The following PPM1A variants were observed in gnomAD, a reference collection of about 807,000 sequenced individuals.
PPM1A encodes the protein protein phosphatase 1A.
In PPM1A, 7 loss-of-function variants were observed where a neutral mutation model predicts 35.0. The ratio of observed to expected loss-of-function variants is 0.20; its 90% confidence interval spans 0.11 to 0.38. PPM1A has a LOEUF of 0.38. Among genes scored for constraint, PPM1A ranks in the 10% least tolerant of loss-of-function variants. The probability of loss-of-function intolerance (pLI) is 1.00; values close to 1 mark genes in which losing one functional copy is unlikely to be tolerated. For missense variants in PPM1A, 239 were observed against 467.8 expected (o/e 0.51, Z 4.51); for synonymous variants, 153 against 167.3 (o/e 0.91, Z 0.66).
rs1595255631 is a variant in PPM1A, at chr14:60,252,341, C to T, written c.-21+2664C>T. Reference sequence around the variant, plus strand: ...CAAGGTGATATTTTGATGATCCTCTCAAATGATTATCTAACTCTTGCCTGG... The same window carrying T: ...CAAGGTGATATTTTGATGATCCTCTTAAATGATTATCTAACTCTTGCCTGG... On this transcript the variant is annotated intron_variant, in intron 1 of 5. Coordinates refer to ENST00000395076, the MANE Select transcript of PPM1A (RefSeq NM_021003.5). Among the ~76,000 whole-genome samples the T allele has an allele frequency of 6.6e-5, 10 of 152,328 alleles. No individual in the cohort carries two copies. In the South Asian group the frequency reaches 2.1e-3, roughly 32 times the overall value.
intron 2 of PPM1A, among the ~76,000 whole-genome samples, chr14:60,284,707 G>GTGTA (rs1555344240): frequency 9.7e-4 from 139 of 143,344 alleles, no homozygotes; most frequent in South Asian, 8.4e-3. Flanking sequence ...ATGTGTGTGT[G>GTGTA]TATATATATA....
At chr14:60,255,090 AC>A (rs1566569407) in intron 1 of PPM1A, among the ~76,000 whole-genome samples, 1 of 148,690 alleles carries the variant, frequency 6.7e-6, no homozygotes, top group African/African-American at 2.5e-5. Flanking sequence ...GTCATCTCTG[AC>A]CCCCAGAGTG....
rs1887828598 is a variant in PPM1A, at chr14:60,293,504, TAGAA to T, written c.*1026_*1029del. 6.6e-6 allele frequency: 1 copy of T among 152,054 alleles called. No individual in the cohort carries two copies. Among genetic ancestry groups the T allele is most frequent in the South Asian group, 2.1e-4 (1 of 4,832 alleles). The allele number at this position is 152,054 out of a possible 1,614,324, so 9.4% of individuals were successfully genotyped here. On this transcript the variant is annotated 3_prime_UTR_variant, in exon 6 of 6. Coordinates refer to ENST00000395076, the MANE Select transcript of PPM1A (RefSeq NM_021003.5). The surrounding 1 kb of genome is among the most constrained non-coding windows in gnomAD (Gnocchi z 4.0). ...GGCATAGATGAAACTTTCCTTCCAT[TAGAA>T]AGACTAAAAGATTTAATTCTTGGTT...
rs191759856 is a variant in PPM1A, at chr14:60,292,812, T to G, written c.*330T>G. The G allele has an allele frequency of 1.4e-4, 31 of 214,414 alleles. 1 individual carries two copies. The East Asian group carries it at 2.9e-3, about 20-fold the overall frequency. 13.3% of individuals were successfully genotyped at this position (214,414 alleles called of 1,614,324 possible). ...TGCTCATATTTAATTATGAACTGCT[T>G]TAAATCACTATCAAAGTTACAAGAA... On this transcript the variant is annotated 3_prime_UTR_variant, in exon 6 of 6. Transcript: ENST00000395076. This position sits in a 1 kb window ranked among gnomAD's most constrained non-coding sequence, Gnocchi z 4.2.
At chr14:60,290,084 A>G (rs1174314451) in intron 4 of PPM1A, among the ~76,000 whole-genome samples, 170 bp downstream of exon 4, 1 of 152,190 alleles carries the variant, frequency 6.6e-6, no homozygotes, top group Non-Finnish European at 1.5e-5. Context: ...TTGTTTAGAC[A>G]TAGGTATCAG....
rs762772799 is a variant in PPM1A, at chr14:60,289,774, A to G, written c.953-32A>G. The G allele has an allele frequency of 4.9e-6, 7 of 1,416,830 alleles. No homozygotes were observed. In the South Asian group the frequency reaches 8.3e-5, roughly 17 times the overall value. The allele number at this position is 1,416,830 out of a possible 1,614,324, so 87.8% of individuals were successfully genotyped here. The stretch of plus-strand genomic sequence containing the variant: ...TTTTCTTTTCAATTAAATTTGGATA[A>G]CACTTACAAAAAAAGTACTTCTGAT... On this transcript the variant is annotated intron_variant, in intron 3 of 5. Coordinates refer to ENST00000395076, the MANE Select transcript of PPM1A (RefSeq NM_021003.5). This position sits in a 1 kb window ranked among gnomAD's most constrained non-coding sequence, Gnocchi z 4.1.
chr14:60,267,107 A>T (rs1013367125), intron 1 of PPM1A: 3 of 152,104 alleles, frequency 2.0e-5, no homozygotes. Context: ...TGAGTTTGCC[A>T]TCATGTCATT....
intron 1 of PPM1A, among the ~76,000 whole-genome samples, chr14:60,254,786 T>C (rs1253054213): frequency 1.3e-5 from 2 of 152,222 alleles, no homozygotes; most frequent in African/African-American, 4.8e-5. Flanking sequence ...AAATTCTTTC[T>C]AAACTATGGT....
chr14:60,287,992 G>A lies in PPM1A; in HGVS notation c.953-1814G>A, dbSNP rs187696994. 168 of 980,522 alleles carry A rather than the reference G, an allele frequency of 1.7e-4. No individual in the cohort carries two copies. The East Asian group carries it at 5.6e-3, about 33-fold the overall frequency. 60.7% of individuals were successfully genotyped at this position (980,522 alleles called of 1,614,324 possible). A position where few individuals can be genotyped will look rare whatever the true frequency, so the allele number is the denominator to read the frequency against. ...TATATAAATATTCTTTAGAAAAAGC[G>A]TTCAGTCTTTTTACAATTCTAAGTA... On this transcript the variant is annotated intron_variant, in intron 3 of 5. Transcript: ENST00000395076.
At chr14:60,277,196 A>G (rs1282566316) in intron 1 of PPM1A, 1 of 244,170 alleles carries the variant, frequency 4.1e-6, no homozygotes. Flanking sequence ...TAATTATTGG[A>G]CTAAATAAAA....
rs538236891 is a variant in PPM1A at position 60,262,694 on chromosome 14, AAAC to A, written c.-21+13023_-21+13025del. Among the ~76,000 whole-genome samples, 297 of 152,278 alleles carry A rather than the reference AAAC, an allele frequency of 2.0e-3. 1 individual carries two copies. Among genetic ancestry groups the A allele is most frequent in the African/African-American group, 6.6e-3 (276 of 41,540 alleles). On this transcript the variant is annotated intron_variant, in intron 1 of 5. Coordinates refer to ENST00000395076, the MANE Select transcript of PPM1A (RefSeq NM_021003.5). ...GAGCAACACCCTACCTCAAACAAAC[AAAC>A]AACAAAAAAACCCTTCTACCTCTGA...
chr14:60,249,248 G>A lies in PPM1A; in HGVS notation c.-450G>A, dbSNP rs1882016011. The A allele has an allele frequency of 3.0e-6, 3 of 987,856 alleles. No individual in the cohort carries two copies. The highest frequency in any genetic ancestry group is 3.6e-6 in the Non-Finnish European group (3 of 832,170). 61.2% of individuals were successfully genotyped at this position (987,856 alleles called of 1,614,324 possible). ...AGGCGGCGGCGGCGGCGGTGGCGGC[G>A]CTAGGGACGGGAGCGCGCGCGGGAG... On this transcript the variant is annotated 5_prime_UTR_variant, in exon 1 of 6. Transcript: ENST00000395076. This position sits in a 1 kb window ranked among gnomAD's most constrained non-coding sequence, Gnocchi z 4.5.
rs869066455 is a variant in PPM1A, at chr14:60,255,159, G to GTTTTTT, written c.-21+5491_-21+5496dup. On this transcript the variant is annotated intron_variant, in intron 1 of 5. Coordinates refer to ENST00000395076, the MANE Select transcript of PPM1A (RefSeq NM_021003.5). ...TGTCTGTGTATTATTTCTATCATAT[G>GTTTTTT]TTTTTTTTTTTTTTGTTTTGTTTTG... Among the ~76,000 whole-genome samples the GTTTTTT allele has an allele frequency of 3.8e-4, 38 of 100,830 alleles. 2 individuals carry two copies. The highest frequency in any genetic ancestry group is 1.3e-3 in the African/African-American group (16 of 12,464). 66.1% of individuals were successfully genotyped at this position (100,830 alleles called of 152,430 possible). A position where few individuals can be genotyped will look rare whatever the true frequency, so the allele number is the denominator to read the frequency against.
Position 60,255,183 on chromosome 14 carries a change from TG to T in PPM1A, c.-21+5507del, listed in dbSNP as rs750504956. On this transcript the variant is annotated intron_variant, in intron 1 of 5. Transcript: ENST00000395076. ...TGTTTTTTTTTTTTTTGTTTTGTTT[TG>T]TTTTTGAGACAGAGTCTCGCTCTGT... is the stretch of plus-strand genomic sequence containing the variant. 5.4e-3 allele frequency among the ~76,000 whole-genome samples: 480 copies of T among 88,962 alleles called. 101 individuals are homozygous for T. Among genetic ancestry groups the T allele is most frequent in the African/African-American group, 0.027 (449 of 16,798 alleles). The allele number at this position is 88,962 out of a possible 152,430, so 58.4% of individuals were successfully genotyped here.
rs188644797 is a variant in PPM1A, at chr14:60,273,137, C to G, written c.-20-9547C>G. Among the ~76,000 whole-genome samples the G allele has an allele frequency of 1.3e-5, 2 of 152,198 alleles. No homozygotes were observed. The highest frequency in any genetic ancestry group is 3.9e-4 in the East Asian group (2 of 5,186). ...TGCATATTTACTTTTTGGGTGCACT[C>G]TCCTTGTTAATGAGTTATTTGCATC... On this transcript the variant is annotated intron_variant, in intron 1 of 5. Transcript: ENST00000395076. The surrounding 1 kb of genome is among the most constrained non-coding windows in gnomAD (Gnocchi z 4.3).
At chr14:60,259,941 C>T (rs1419270028) in intron 1 of PPM1A, among the ~76,000 whole-genome samples, 1 of 151,854 alleles carries the variant, frequency 6.6e-6, no homozygotes, top group Non-Finnish European at 1.5e-5. Context: ...CAGATCACAG[C>T]ACAACTAGAA....
upstream of PPM1A, among the ~76,000 whole-genome samples, chr14:60,246,839 C>G (rs901450057): frequency 6.6e-6 from 1 of 152,206 alleles, no homozygotes; most frequent in Non-Finnish European, 1.5e-5. Flanking sequence ...TATCGGCAGT[C>G]TGTACAATGC....
Position 60,282,536 on chromosome 14 carries a change from T to C in PPM1A, c.-20-148T>C. The C allele has an allele frequency of 9.6e-7, 1 of 1,037,298 alleles. No individual in the cohort carries two copies. The highest frequency in any genetic ancestry group is 1.4e-6 in the Non-Finnish European group (1 of 731,352). 64.3% of individuals were successfully genotyped at this position (1,037,298 alleles called of 1,614,324 possible). On this transcript the variant is annotated intron_variant, in intron 1 of 5. Transcript: ENST00000395076. This position sits in a 1 kb window ranked among gnomAD's most constrained non-coding sequence, Gnocchi z 5.1. ...TTCCCCCAGTTCCTCCTTGTTAATCTCCAGATTCCAAGTCAGCAACACAAT... is the reference window on the plus strand; with the variant it reads ...TTCCCCCAGTTCCTCCTTGTTAATCCCCAGATTCCAAGTCAGCAACACAAT...
intron 1 of PPM1A, among the ~76,000 whole-genome samples, chr14:60,251,238 T>A (rs1882376957): frequency 6.6e-6 from 1 of 152,252 alleles, no homozygotes; most frequent in Non-Finnish European, 1.5e-5. Flanking sequence ...CATTTTAATT[T>A]GATATCATAA....
Sources: allele counts gnomAD v4.1 joint callset (sites outside exome capture counted in the v4.1 genomes callset), GRCh38; gene constraint gnomAD v4.1.1; non-coding constraint Gnocchi (gnomAD v3.1); transcripts MANE v1.5; gene names NCBI Gene and HGNC (gene_info 2026-07-23, HGNC 2026-07-21).